PLPPR4: variants seen among roughly 807,000 people sequenced by gnomAD.
The protein encoded by PLPPR4 is phospholipid phosphatase-related protein type 4.
Under a neutral mutation model 56.6 loss-of-function variants are expected in PLPPR4, and 24 were observed. The observed-to-expected ratio is 0.42, with a 90% CI of 0.31 to 0.60. The LOEUF is 0.60. PLPPR4 is among the 20% of genes least tolerant of loss of function. PLPPR4 has a pLI of 0.13. For synonymous variants in PLPPR4, 326 were observed against 328.1 expected (o/e 0.99, Z 0.07); for missense variants, 654 against 885.8 (o/e 0.74, Z 3.32).
At chr1:99,296,957 A>G in intron 3 of PLPPR4, 90 bp downstream of exon 3, 1 of 1,200,378 alleles carries the variant, frequency 8.3e-7, no homozygotes, top group Non-Finnish European at 1.1e-6. Flanking sequence ...CTCGTACGCT[A>G]TAATTTAGAT....
chr1:99,290,847 A>G (rs1261665295), intron 2 of PLPPR4, among the ~76,000 whole-genome samples: 2 of 152,202 alleles, frequency 1.3e-5, no homozygotes, highest in Non-Finnish European at 2.9e-5. Context: ...ACCCTGGAAG[A>G]AAACTTAGGC....
Position 99,307,308 on chromosome 1 carries a change from G to A in PLPPR4, c.*298G>A, listed in dbSNP as rs530501554. 3.1e-6 allele frequency: 1 copy of A among 327,848 alleles called. No homozygotes were observed. The highest frequency in any genetic ancestry group is 7.2e-5 in the South Asian group (1 of 13,932). The allele number at this position is 327,848 out of a possible 1,614,324, so 20.3% of individuals were successfully genotyped here. A position where few individuals can be genotyped will look rare whatever the true frequency, so the allele number is the denominator to read the frequency against. On this transcript the variant is annotated 3_prime_UTR_variant, in exon 7 of 7. Coordinates refer to ENST00000370185, the MANE Select transcript of PLPPR4 (RefSeq NM_014839.5). The stretch of plus-strand genomic sequence containing the variant: ...CAAAAGAAAGTGGTTTTCTTCAAAT[G>A]TATACTATTTTACTTCCTGAATGTG...
intron 1 of PLPPR4, among the ~76,000 whole-genome samples, chr1:99,266,847 G>A (rs1415974821): frequency 6.6e-6 from 1 of 152,238 alleles, no homozygotes; most frequent in Non-Finnish European, 1.5e-5. Flanking sequence ...TTGACCACAT[G>A]CACTATCACG....
intron 3 of PLPPR4, among the ~76,000 whole-genome samples, chr1:99,297,750 A>G (rs1302721752): frequency 6.6e-6 from 1 of 152,144 alleles, no homozygotes; most frequent in Non-Finnish European, 1.5e-5. Flanking sequence ...CATTGAGATG[A>G]TAAGAAAACA....
At chr1:99,298,433 A>G (rs1368957051) in intron 3 of PLPPR4, among the ~76,000 whole-genome samples, 1 of 152,212 alleles carries the variant, frequency 6.6e-6, no homozygotes, top group South Asian at 2.1e-4. Flanking sequence ...AATTTGGACC[A>G]AGATATGTAA....
intron 2 of PLPPR4, among the ~76,000 whole-genome samples, chr1:99,292,121 A>T (rs570118897): frequency 8.5e-5 from 13 of 152,308 alleles, no homozygotes; most frequent in Non-Finnish European, 1.5e-4. Flanking sequence ...AACTGTATTG[A>T]TATGTAATCA....
chr1:99,302,214 A>G (rs1035853872), intron 6 of PLPPR4, among the ~76,000 whole-genome samples: 1 of 152,130 alleles, frequency 6.6e-6, no homozygotes, highest in African/African-American at 2.4e-5. Context: ...TATTGCCAAA[A>G]GTAAGGTTAG....
chr1:99,264,472 G>T (rs980160205), upstream of PLPPR4: 4 of 1,521,738 alleles, frequency 2.6e-6, no homozygotes, highest in African/African-American at 2.8e-5. Flanking sequence ...GGCTCCAGCG[G>T]TGGCCGCGGG....
At chr1:99,278,395 A>C (rs1008653246) in intron 1 of PLPPR4, among the ~76,000 whole-genome samples, 1 of 152,174 alleles carries the variant, frequency 6.6e-6, no homozygotes, top group Non-Finnish European at 1.5e-5. Context: ...ATTCAAACAT[A>C]TAAAGTACTT....
chr1:99,283,768 G>A (rs940541031), intron 1 of PLPPR4, among the ~76,000 whole-genome samples: 1 of 151,574 alleles, frequency 6.6e-6, no homozygotes, highest in Non-Finnish European at 1.5e-5. Flanking sequence ...TGGCTAACAC[G>A]GTGAAACCGC....
intron 1 of PLPPR4, among the ~76,000 whole-genome samples, chr1:99,278,786 T>C (rs1449772532): frequency 6.6e-6 from 1 of 152,184 alleles, no homozygotes; most frequent in East Asian, 1.9e-4. Flanking sequence ...ATTGCATTGG[T>C]CCTTTTAGAG....
In PLPPR4 at chr1:99,307,162, C is replaced by T. The variant is rs1570928195; in HGVS notation, c.*152C>T. On this transcript the variant is annotated 3_prime_UTR_variant, in exon 7 of 7. Coordinates refer to ENST00000370185, the MANE Select transcript of PLPPR4 (RefSeq NM_014839.5). ...ACTTTTCAGAACTGCTATACTCAAA[C>T]TTGCAGATCTCACATCAAGGAGAGG... 1.2e-6 allele frequency: 1 copy of T among 857,584 alleles called. No individual in the cohort carries two copies. The highest frequency in any genetic ancestry group is 2.5e-5 in the East Asian group (1 of 39,544). 53.1% of individuals were successfully genotyped at this position (857,584 alleles called of 1,614,324 possible). A position where few individuals can be genotyped will look rare whatever the true frequency, so the allele number is the denominator to read the frequency against.
intron 1 of PLPPR4, among the ~76,000 whole-genome samples, chr1:99,271,807 A>C (rs2100784710): frequency 6.6e-6 from 1 of 152,140 alleles, no homozygotes; most frequent in East Asian, 1.9e-4. Flanking sequence ...AATGATAGAA[A>C]GAAAGAAACT....
intron 1 of PLPPR4, among the ~76,000 whole-genome samples, chr1:99,283,638 G>A (rs1255938214): frequency 6.6e-6 from 1 of 151,994 alleles, no homozygotes; most frequent in Non-Finnish European, 1.5e-5. Flanking sequence ...ATTTCCCTCC[G>A]CTCTATTGCT....
intron 6 of PLPPR4, among the ~76,000 whole-genome samples, chr1:99,303,084 A>T (rs1421492687): frequency 1.3e-5 from 2 of 152,132 alleles, no homozygotes; most frequent in African/African-American, 4.8e-5. Context: ...GTTAGAAAAG[A>T]CGTCACAAAA....
At chr1:99,264,479 CG>C, upstream of PLPPR4, 1 of 1,525,734 alleles carries the variant, frequency 6.6e-7, no homozygotes, top group African/African-American at 1.4e-5. Context: ...GCGGTGGCCG[CG>C]GGGAATGTGA....
In PLPPR4 at chr1:99,309,241, A is replaced by T. The variant is rs1202073634; in HGVS notation, c.*2231A>T. The stretch of plus-strand genomic sequence containing the variant: ...AAAAATTTGTTTACATTCCACTGGT[A>T]CCTTAATTTAAAATAAATCAGACTA... On this transcript the variant is annotated 3_prime_UTR_variant, in exon 7 of 7. Transcript: ENST00000370185. 2 of 152,548 alleles carry T rather than the reference A, an allele frequency of 1.3e-5. No homozygotes were observed. The highest frequency in any genetic ancestry group is 4.8e-5 in the African/African-American group (2 of 41,432). The allele number at this position is 152,548 out of a possible 1,614,324, so 9.4% of individuals were successfully genotyped here. A position where few individuals can be genotyped will look rare whatever the true frequency, so the allele number is the denominator to read the frequency against.
Position 99,307,159 on chromosome 1 carries a change from A to C in PLPPR4, c.*149A>C. 26 of 876,688 alleles carry C rather than the reference A, an allele frequency of 3.0e-5. No individual in the cohort carries two copies. Among genetic ancestry groups the C allele is most frequent in the Non-Finnish European group, 4.2e-5 (24 of 576,420 alleles). The allele number at this position is 876,688 out of a possible 1,614,324, so 54.3% of individuals were successfully genotyped here. A position where few individuals can be genotyped will look rare whatever the true frequency, so the allele number is the denominator to read the frequency against. On this transcript the variant is annotated 3_prime_UTR_variant, in exon 7 of 7. Coordinates refer to ENST00000370185, the MANE Select transcript of PLPPR4 (RefSeq NM_014839.5). Reference sequence around the variant, plus strand: ...GTAACTTTTCAGAACTGCTATACTCAAACTTGCAGATCTCACATCAAGGAG... The same window carrying C: ...GTAACTTTTCAGAACTGCTATACTCCAACTTGCAGATCTCACATCAAGGAG...
rs1193678827 is a variant in PLPPR4, at chr1:99,308,899, G to A, written c.*1889G>A. ...TTGCCTGTTTGTAGAGGAAAAGGTG[G>A]GCTGGTTTTAGTACTCTGAAGGACA... On this transcript the variant is annotated 3_prime_UTR_variant, in exon 7 of 7. Transcript: ENST00000370185. 6.6e-6 allele frequency: 1 copy of A among 152,446 alleles called. No individual in the cohort carries two copies. The highest frequency in any genetic ancestry group is 1.5e-5 in the Non-Finnish European group (1 of 68,010). The allele number at this position is 152,446 out of a possible 1,614,324, so 9.4% of individuals were successfully genotyped here. A position where few individuals can be genotyped will look rare whatever the true frequency, so the allele number is the denominator to read the frequency against.
Sources: allele counts gnomAD v4.1 joint callset (sites outside exome capture counted in the v4.1 genomes callset), GRCh38; gene constraint gnomAD v4.1.1; transcripts MANE v1.5; gene names NCBI Gene and HGNC (gene_info 2026-07-23, HGNC 2026-07-21).